NCAM2: variants seen among roughly 807,000 people sequenced by gnomAD.
NCAM2 encodes neural cell adhesion molecule 2.
NCAM2 carries 30 observed loss-of-function variants against 98.1 expected under a neutral mutation model. The ratio of observed to expected loss-of-function variants is 0.31; its 90% confidence interval spans 0.23 to 0.41. The LOEUF is 0.41. NCAM2 is among the 10% of genes least tolerant of loss of function. The probability of loss-of-function intolerance (pLI) is 1.00; values close to 1 mark genes in which losing one functional copy is unlikely to be tolerated. For missense variants in NCAM2, 867 were observed against 1,005.8 expected (o/e 0.86, Z 1.87); for synonymous variants, 368 against 342.4 (o/e 1.07, Z -0.83).
At chr21:21,018,342 A>G (rs971053220) in intron 1 of NCAM2, among the ~76,000 whole-genome samples, 7 of 152,224 alleles carry the variant, frequency 4.6e-5, no homozygotes, top group Admixed American at 6.5e-5. Flanking sequence ...GTTCCAGCTC[A>G]GGGACTGTAA....
intron 14 of NCAM2, among the ~76,000 whole-genome samples, chr21:21,472,784 TG>T (rs1461289662): frequency 6.6e-6 from 1 of 151,920 alleles, no homozygotes; most frequent in East Asian, 1.9e-4. Flanking sequence ...AAGTACTATG[TG>T]GGTGGTGGAG....
intron 15 of NCAM2, among the ~76,000 whole-genome samples, chr21:21,482,120 C>T (rs944078682): frequency 1.3e-5 from 2 of 151,698 alleles, no homozygotes; most frequent in South Asian, 2.1e-4. Context: ...GTTATAAAAT[C>T]GTGTCTAATT....
chr21:21,184,391 G>A (rs903407128), intron 1 of NCAM2, among the ~76,000 whole-genome samples: 2 of 151,914 alleles, frequency 1.3e-5, no homozygotes, highest in Admixed American at 1.3e-4. Context: ...TTTTAACTGT[G>A]GAGTACATTT....
Position 21,132,646 on chromosome 21 carries a change from C to A in NCAM2, c.55+134028C>A, listed in dbSNP as rs1019443813. Among the ~76,000 whole-genome samples the A allele has an allele frequency of 2.0e-5, 3 of 152,132 alleles. No homozygotes were observed. The South Asian group carries it at 6.2e-4, about 31-fold the overall frequency. ...TAAATTCCATAAGCCTTACTAAAGA[C>A]TTTAAAGTAAAGTTCCTCATGCTCC... On this transcript the variant is annotated intron_variant, in intron 1 of 17. Transcript: ENST00000400546.
At chr21:21,084,480 A>T (rs2065869544) in intron 1 of NCAM2, among the ~76,000 whole-genome samples, 2 of 152,156 alleles carry the variant, frequency 1.3e-5, no homozygotes, top group Non-Finnish European at 2.9e-5. Context: ...CTAACTCCTG[A>T]CAATTACTTA....
rs1985601371 is a variant in NCAM2 at position 21,479,557 on chromosome 21, C to T, written c.2077+2086C>T. On this transcript the variant is annotated intron_variant, in intron 15 of 17. Transcript: ENST00000400546. ...CGAGACCGCGCCACTGCACTCCAGC[C>T]TGGGAGACAGAGCGAGACTGCGTCT... Among the ~76,000 whole-genome samples the T allele has an allele frequency of 3.0e-5, 3 of 101,454 alleles. 1 individual carries two copies. The South Asian group carries it at 8.4e-4, about 28-fold the overall frequency. 66.6% of individuals were successfully genotyped at this position (101,454 alleles called of 152,430 possible).
At chr21:21,030,331 C>T (rs1307288039) in intron 1 of NCAM2, among the ~76,000 whole-genome samples, 2 of 152,098 alleles carry the variant, frequency 1.3e-5, no homozygotes, top group East Asian at 1.9e-4. Flanking sequence ...TTGACTACCA[C>T]GATATTAATT....
intron 1 of NCAM2, among the ~76,000 whole-genome samples, chr21:21,177,528 G>A (rs1324162386): frequency 6.6e-6 from 1 of 151,966 alleles, no homozygotes; most frequent in Non-Finnish European, 1.5e-5. Context: ...GTGAATTATA[G>A]TGTTTTTATT....
At chr21:21,425,040 C>CAAAAAAAAAAAAAAAAA (rs1192128472) in intron 11 of NCAM2, among the ~76,000 whole-genome samples, 5 of 43,850 alleles carry the variant, frequency 1.1e-4, no homozygotes, top group Non-Finnish European at 1.8e-4. Context: ...CTTCCTCCTC[C>CAAAAAAAAAAAAAAAAA]AAAAAAAAAA....
intron 1 of NCAM2, among the ~76,000 whole-genome samples, chr21:21,111,054 A>G (rs1005147793): frequency 7.9e-5 from 12 of 152,172 alleles, no homozygotes; most frequent in Admixed American, 6.5e-5. Flanking sequence ...AAAAGGCAAT[A>G]AAATTAATTC....
At chr21:21,232,016 C>G (rs1398949266) in intron 1 of NCAM2, among the ~76,000 whole-genome samples, 1 of 151,298 alleles carries the variant, frequency 6.6e-6, no homozygotes, top group Non-Finnish European at 1.5e-5. Context: ...TTTTTTAGCT[C>G]CTAACTCAGA....
chr21:21,222,107 G>A (rs958191766), intron 1 of NCAM2, among the ~76,000 whole-genome samples: 3 of 152,120 alleles, frequency 2.0e-5, no homozygotes, highest in Non-Finnish European at 4.4e-5. Context: ...ATAACATGAT[G>A]TACTGAATAT....
intron 12 of NCAM2, among the ~76,000 whole-genome samples, chr21:21,436,682 T>C (rs961403035): frequency 1.3e-5 from 2 of 152,034 alleles, no homozygotes; most frequent in Non-Finnish European, 2.9e-5. Context: ...AAAGGATTAT[T>C]TTATAGCACC....
intron 1 of NCAM2, among the ~76,000 whole-genome samples, chr21:21,059,983 C>T (rs1267389535): frequency 1.3e-5 from 2 of 152,032 alleles, no homozygotes; most frequent in Non-Finnish European, 2.9e-5. Context: ...AAATGTCTAA[C>T]CCTGTGGATT....
At chr21:21,189,053 T>C (rs1402168130) in intron 1 of NCAM2, among the ~76,000 whole-genome samples, 1 of 152,190 alleles carries the variant, frequency 6.6e-6, no homozygotes, top group East Asian at 1.9e-4. Context: ...TTTTAAATTA[T>C]ACAGTGTTAG....
At chr21:21,468,574 A>T in intron 13 of NCAM2, 88 bp from the exon 14 acceptor site, 2 of 1,290,902 alleles carry the variant, frequency 1.5e-6, no homozygotes, top group Admixed American at 4.6e-5. Context: ...ATATATTTTG[A>T]TTACATTACT....
intron 1 of NCAM2, among the ~76,000 whole-genome samples, chr21:21,117,057 T>A (rs2066577537): frequency 6.6e-6 from 1 of 152,204 alleles, no homozygotes; most frequent in African/African-American, 2.4e-5. Flanking sequence ...TACAATATGA[T>A]GATTTGATAT....
chr21:21,230,540 A>G (rs2070580523), intron 1 of NCAM2, among the ~76,000 whole-genome samples: 1 of 151,258 alleles, frequency 6.6e-6, no homozygotes, highest in Non-Finnish European at 1.5e-5. Flanking sequence ...TTATTCTGTG[A>G]TGTTTCTTCT....
intron 1 of NCAM2, among the ~76,000 whole-genome samples, chr21:21,114,197 C>T (rs1429176402): frequency 6.6e-6 from 1 of 152,132 alleles, no homozygotes; most frequent in African/African-American, 2.4e-5. Flanking sequence ...CCTGATATAT[C>T]ACACAAGTTT....
Sources: allele counts gnomAD v4.1 joint callset (sites outside exome capture counted in the v4.1 genomes callset), GRCh38; gene constraint gnomAD v4.1.1; transcripts MANE v1.5; gene names NCBI Gene and HGNC (gene_info 2026-07-23, HGNC 2026-07-21).